RAVER2: variants seen among roughly 807,000 people sequenced by gnomAD.
RAVER2 encodes the protein ribonucleoprotein, PTB binding 2, also known as ribonucleoprotein PTB-binding 2.
A neutral mutation model predicts 78.1 loss-of-function variants in RAVER2; 46 were observed. That is an observed-to-expected ratio of 0.59 (90% CI 0.46 to 0.75). The LOEUF is 0.75. Ranked by LOEUF, RAVER2 falls within the 30% of genes least tolerant of loss-of-function variation. RAVER2 has a pLI of 0.00. For synonymous variants in RAVER2, 311 were observed against 313.3 expected, an observed-to-expected ratio of 0.99 and a Z score of 0.08; for missense variants, 793 against 837.5, an observed-to-expected ratio of 0.95 and a Z score of 0.66.
chr1:64,762,904 G>A (rs1160327943), intron 1 of RAVER2, among the ~76,000 whole-genome samples: 4 of 152,166 alleles, frequency 2.6e-5, no homozygotes, highest in African/African-American at 9.7e-5. Context: ...CAAAATTAAT[G>A]TCTTCTTATC....
chr1:64,769,034 T>A (rs1211877730), intron 2 of RAVER2, among the ~76,000 whole-genome samples: 1 of 152,058 alleles, frequency 6.6e-6, no homozygotes, highest in Admixed American at 6.6e-5. Context: ...GTGAATAGAC[T>A]GTATGACTTG....
chr1:64,807,290 A>G, exon 9 of RAVER2: 1 of 1,614,190 alleles, frequency 6.2e-7, no homozygotes, highest in Non-Finnish European at 8.5e-7. Context: ...ATTGCTGGAC[A>G]GGCTGGGCCA....
At chr1:64,814,392 C>T (rs968454860) in intron 10 of RAVER2, among the ~76,000 whole-genome samples, 15 of 152,162 alleles carry the variant, frequency 9.9e-5, no homozygotes, top group African/African-American at 3.6e-4. Flanking sequence ...CATGAGCAAC[C>T]GTGCTCAGCC....
At chr1:64,825,538 G>C (rs907851979) in intron 11 of RAVER2, among the ~76,000 whole-genome samples, 1 of 152,142 alleles carries the variant, frequency 6.6e-6, no homozygotes, top group Non-Finnish European at 1.5e-5. Flanking sequence ...ATCTTTAATT[G>C]GACTGATAGC....
intron 10 of RAVER2, among the ~76,000 whole-genome samples, chr1:64,813,549 C>CA (rs1653677952): frequency 6.6e-6 from 1 of 151,400 alleles, no homozygotes; most frequent in Non-Finnish European, 1.5e-5. Flanking sequence ...GAAGTAAATC[C>CA]AAAAAAGTAA....
intron 3 of RAVER2, 142 bp from the exon 4 acceptor site, chr1:64,781,238 C>T (rs1652616509): frequency 1.3e-6 from 1 of 751,130 alleles, no homozygotes; most frequent in Non-Finnish European, 1.9e-6. Flanking sequence ...AATTAGTAAA[C>T]ATTTTCATAA....
intron 1 of RAVER2, among the ~76,000 whole-genome samples, chr1:64,750,573 T>TATAAAAAAGA (rs918249590): frequency 3.3e-5 from 5 of 152,294 alleles, no homozygotes; most frequent in African/African-American, 1.2e-4. Context: ...TATACATCAG[T>TATAAAAAAGA]ATAAAAAAGA....
At chr1:64,831,686 T>TG (rs1235702291) in exon 12 of RAVER2, 1 of 152,262 alleles carries the variant, frequency 6.6e-6, no homozygotes, top group Admixed American at 6.5e-5. Flanking sequence ...AACTACACCC[T>TG]GGGTCCACAT....
Position 64,745,115 on chromosome 1 carries a change from C to T in RAVER2, c.-58C>T. Reference sequence around the variant, plus strand: ...CCTCGCCCGGGCCTCCTCCCGCTTTCTCTCTCCGCTTCCCCTGGAGCCTCC... The same window carrying T: ...CCTCGCCCGGGCCTCCTCCCGCTTTTTCTCTCCGCTTCCCCTGGAGCCTCC... On this transcript the variant is annotated 5_prime_UTR_variant, in exon 1 of 12. Transcript: ENST00000294428. This position sits in a 1 kb window ranked among gnomAD's most constrained non-coding sequence, Gnocchi z 4.3. 6 of 1,017,132 alleles carry T rather than the reference C, an allele frequency of 5.9e-6. No homozygotes were observed. Among genetic ancestry groups the T allele is most frequent in the Non-Finnish European group, 7.0e-6 (6 of 851,628 alleles). The allele number at this position is 1,017,132 out of a possible 1,614,324, so 63.0% of individuals were successfully genotyped here.
chr1:64,787,056 A>G (rs1422801667), intron 4 of RAVER2, among the ~76,000 whole-genome samples: 2 of 152,196 alleles, frequency 1.3e-5, no homozygotes, highest in African/African-American at 2.4e-5. Flanking sequence ...TATGTTTTTC[A>G]TAATCTAGCA....
rs56179197 is a variant in RAVER2, at chr1:64,824,932, C to CAAAAAAAAAAAAAAAAA, written c.1930-5896_1930-5880dup. On this transcript the variant is annotated intron_variant, in intron 11 of 11. Transcript: ENST00000294428. ...GGCAACAGAGCGAGACCCTGTCTCC[C>CAAAAAAAAAAAAAAAAA]AAAAAAAAAAAAAAAAAAAAAAAAA... Among the ~76,000 whole-genome samples, 51 of 79,394 alleles carry CAAAAAAAAAAAAAAAAA rather than the reference C, an allele frequency of 6.4e-4. 6 individuals carry two copies. Among genetic ancestry groups the CAAAAAAAAAAAAAAAAA allele is most frequent in the African/African-American group, 3.3e-3 (43 of 12,880 alleles). The allele number at this position is 79,394 out of a possible 152,430, so 52.1% of individuals were successfully genotyped here.
chr1:64,822,639 A>G (rs752058182), intron 11 of RAVER2, among the ~76,000 whole-genome samples: 9 of 152,310 alleles, frequency 5.9e-5, no homozygotes, highest in African/African-American at 2.2e-4. Flanking sequence ...CAGTTCATCA[A>G]ATGTTAAACA....
At chr1:64,804,064 A>G (rs762670726) in intron 6 of RAVER2, among the ~76,000 whole-genome samples, 7 of 152,102 alleles carry the variant, frequency 4.6e-5, no homozygotes, top group Non-Finnish European at 7.4e-5. Context: ...TTTGGTCCTC[A>G]AAGGACCTTG....
intron 5 of RAVER2, among the ~76,000 whole-genome samples, chr1:64,797,501 AAG>A (rs1653126974): frequency 6.6e-6 from 1 of 152,230 alleles, no homozygotes; most frequent in Admixed American, 6.5e-5. Context: ...TGATATGAAA[AAG>A]AGAAGAAGAG....
At chr1:64,781,901 T>G (rs1330713462) in intron 4 of RAVER2, among the ~76,000 whole-genome samples, 1 of 152,146 alleles carries the variant, frequency 6.6e-6, no homozygotes, top group African/African-American at 2.4e-5. Flanking sequence ...TTTCTTTTTC[T>G]TTTCTTTTTT....
intron 10 of RAVER2, among the ~76,000 whole-genome samples, chr1:64,813,656 A>G (rs1653680978): frequency 6.6e-6 from 1 of 152,140 alleles, no homozygotes; most frequent in African/African-American, 2.4e-5. Flanking sequence ...TATTTTATGA[A>G]ATATCCTTGA....
At chr1:64,802,864 G>A (rs1653306394) in intron 5 of RAVER2, 112 bp from the exon 6 acceptor site, 2 of 603,730 alleles carry the variant, frequency 3.3e-6, no homozygotes, top group South Asian at 2.7e-5. Context: ...TGAACTTTCA[G>A]TGGATTTGTT....
chr1:64,792,087 T>C (rs1188871799), intron 5 of RAVER2, among the ~76,000 whole-genome samples: 1 of 152,198 alleles, frequency 6.6e-6, no homozygotes, highest in Non-Finnish European at 1.5e-5. Context: ...AAACCTAATG[T>C]TTTCCTTTTT....
chr1:64,764,660 G>A (rs1652123890), intron 1 of RAVER2, among the ~76,000 whole-genome samples: 1 of 152,186 alleles, frequency 6.6e-6, no homozygotes, highest in African/African-American at 2.4e-5. Flanking sequence ...ACAACAAAAG[G>A]TGAGAATCCA....
Sources: gnomAD v4.1 joint callset for allele counts (sites outside exome capture counted in the v4.1 genomes callset) on GRCh38, gnomAD v4.1.1 for gene constraint, Gnocchi (gnomAD v3.1) non-coding constraint, MANE v1.5 for transcripts, NCBI Gene and HGNC (gene_info 2026-07-23, HGNC 2026-07-21) for gene names.